Variants in NRG2 observed in about 807,000 individuals in gnomAD.
NRG2 encodes pro-neuregulin-2, membrane-bound isoform.
Under a neutral mutation model 73.9 loss-of-function variants are expected in NRG2, and 27 were observed. The observed-to-expected ratio is 0.37, with a 90% confidence interval of 0.27 to 0.50. The LOEUF is 0.50. Among genes scored for constraint, NRG2 ranks in the 20% least tolerant of loss-of-function variants. The pLI is 0.96. For synonymous variants in NRG2, 532 were observed against 541.0 expected, an observed-to-expected ratio of 0.98 and a Z score of 0.23; for missense variants, 1,126 against 1,210.1, an observed-to-expected ratio of 0.93 and a Z score of 1.03.
chr5:139,943,479 G>A (rs956098582), intron 1 of NRG2, among the ~76,000 whole-genome samples: 4 of 152,132 alleles, frequency 2.6e-5, no homozygotes, highest in African/African-American at 7.2e-5. Context: ...AAATTGTGCT[G>A]TAATGAGATC....
chr5:139,865,597 A>G lies in NRG2; in HGVS notation c.1141T>C (p.Cys381Arg). 1 of 1,610,164 alleles carries G rather than the reference A, an allele frequency of 6.2e-7. No homozygotes were observed. The highest frequency in any genetic ancestry group is 8.5e-7 in the Non-Finnish European group (1 of 1,179,094). The change falls in exon 5 of 10, where the codon TGT (cysteine) becomes CGT (arginine). Residue 381 changes from cysteine (C) to arginine (R), a missense_variant. Physicochemically the swap from Cys to Arg is radical, Grantham distance 180. Transcript: ENST00000361474. This position sits in a 1 kb window ranked among gnomAD's most constrained non-coding sequence, Gnocchi z 5.2. The part of the protein sequence containing the change: ...KCPNGFFGQR[C>R]LEKLPLRLYM... ...AATCGCAAAGGCAGTTTCTCCAAAC[A>G]TCTCTGTCCGAAGAATCCATTTGGA...
At chr5:140,011,200 T>C (rs190796764) in intron 1 of NRG2, among the ~76,000 whole-genome samples, 12 of 152,356 alleles carry the variant, frequency 7.9e-5, no homozygotes, top group Non-Finnish European at 1.8e-4. Context: ...TTTTGCCACT[T>C]TGGACACATA....
intron 1 of NRG2, among the ~76,000 whole-genome samples, chr5:139,986,252 T>C (rs1390558770): frequency 3.3e-5 from 5 of 152,208 alleles, no homozygotes; most frequent in East Asian, 3.8e-4. Context: ...TTAGGTCCAC[T>C]GCAAACACAG....
At chr5:139,893,531 T>C (rs1221865830) in intron 1 of NRG2, among the ~76,000 whole-genome samples, 1 of 152,200 alleles carries the variant, frequency 6.6e-6, no homozygotes, top group Admixed American at 6.5e-5. Context: ...CCCTGATCCC[T>C]GCAGCAGCTC....
intron 1 of NRG2, among the ~76,000 whole-genome samples, chr5:139,940,366 C>T (rs966931779): frequency 6.6e-6 from 1 of 152,300 alleles, no homozygotes; most frequent in East Asian, 1.9e-4. Flanking sequence ...TATGTGATTC[C>T]ATTTTATCTG....
intron 1 of NRG2, among the ~76,000 whole-genome samples, chr5:140,035,912 T>C (rs1761470383): frequency 6.6e-6 from 1 of 152,102 alleles, no homozygotes; most frequent in African/African-American, 2.4e-5. Flanking sequence ...GATCATCACA[T>C]CTTGGAGGTC....
At chr5:139,933,525 CAA>C (rs535804618) in intron 1 of NRG2, among the ~76,000 whole-genome samples, 57 of 152,150 alleles carry the variant, frequency 3.7e-4, no homozygotes, top group African/African-American at 1.2e-3. Flanking sequence ...ATAGAAGAGT[CAA>C]TTCATGAGAG....
intron 1 of NRG2, among the ~76,000 whole-genome samples, chr5:140,014,363 A>T (rs1180119788): frequency 6.6e-6 from 1 of 152,224 alleles, no homozygotes; most frequent in East Asian, 1.9e-4. Flanking sequence ...CAGTCTCTCA[A>T]GTAGCTATAA....
Position 139,979,498 on chromosome 5 carries a change from A to T in NRG2, c.700+62872T>A, listed in dbSNP as rs771875297. ...TCTCCTGGGATTCTCGTTCTTGTGTAATCTTCTCCCTTGAGTGTGGGTTGG... is the reference window on the plus strand; with the variant it reads ...TCTCCTGGGATTCTCGTTCTTGTGTTATCTTCTCCCTTGAGTGTGGGTTGG... On this transcript the variant is annotated intron_variant, in intron 1 of 9. Transcript: ENST00000361474. Among the ~76,000 whole-genome samples, 13 of 152,188 alleles carry T rather than the reference A, an allele frequency of 8.5e-5. 1 individual carries two copies. Among genetic ancestry groups the T allele is most frequent in the Non-Finnish European group, 1.3e-4 (9 of 68,038 alleles).
At chr5:139,962,233 C>T (rs1283247572) in intron 1 of NRG2, among the ~76,000 whole-genome samples, 2 of 152,200 alleles carry the variant, frequency 1.3e-5, no homozygotes, top group African/African-American at 4.8e-5. Context: ...GAGCAGATCA[C>T]ATGGCAGACA....
intron 1 of NRG2, among the ~76,000 whole-genome samples, chr5:139,917,760 G>T (rs1368779989): frequency 6.6e-6 from 1 of 152,056 alleles, no homozygotes; most frequent in Non-Finnish European, 1.5e-5. Flanking sequence ...TAATTGAATT[G>T]TAAGAGCTCT....
chr5:139,892,839 C>T (rs1391128008), intron 1 of NRG2, among the ~76,000 whole-genome samples: 1 of 152,174 alleles, frequency 6.6e-6, no homozygotes, highest in Non-Finnish European at 1.5e-5. Flanking sequence ...GGGTAGGCAG[C>T]AAGCTGATGG....
At chr5:140,041,444 C>T (rs1424388418) in intron 1 of NRG2, among the ~76,000 whole-genome samples, 1 of 152,160 alleles carries the variant, frequency 6.6e-6, no homozygotes, top group Non-Finnish European at 1.5e-5. Flanking sequence ...TGACTTTTGA[C>T]ATGGGAGACT....
chr5:140,006,578 G>A (rs943684024), intron 1 of NRG2, among the ~76,000 whole-genome samples: 1 of 152,094 alleles, frequency 6.6e-6, no homozygotes, highest in Non-Finnish European at 1.5e-5. Flanking sequence ...TAAATATGGA[G>A]CATTCATAAG....
chr5:140,007,389 C>T (rs1313610988), intron 1 of NRG2, among the ~76,000 whole-genome samples: 4 of 151,960 alleles, frequency 2.6e-5, no homozygotes, highest in Non-Finnish European at 2.9e-5. Context: ...CAGCCTTCAG[C>T]TTCCAATTGG....
At chr5:139,989,965 T>C (rs1021769855) in intron 1 of NRG2, among the ~76,000 whole-genome samples, 7 of 151,142 alleles carry the variant, frequency 4.6e-5, no homozygotes, top group Admixed American at 2.6e-4. Context: ...ATTTTTTGTA[T>C]TTTTAGTAGA....
At position 139,847,872 on chromosome 5, in the gene NRG2, T is replaced by C; in HGVS notation, c.*45A>G. 3 of 1,283,788 alleles carry C rather than the reference T, an allele frequency of 2.3e-6. No homozygotes were observed. Among genetic ancestry groups the C allele is most frequent in the Non-Finnish European group, 3.0e-6 (3 of 991,462 alleles). The allele number at this position is 1,283,788 out of a possible 1,614,324, so 79.5% of individuals were successfully genotyped here. A position where few individuals can be genotyped will look rare whatever the true frequency, so the allele number is the denominator to read the frequency against. Reference sequence around the variant, plus strand: ...TCCAGTAGGCGGTCTCTGGTCTCCTTAAAGATAGTGGGGCGGGCGGGGCGG... The same window carrying C: ...TCCAGTAGGCGGTCTCTGGTCTCCTCAAAGATAGTGGGGCGGGCGGGGCGG... On this transcript the variant is annotated 3_prime_UTR_variant, in exon 10 of 10. Coordinates refer to ENST00000361474, the MANE Select transcript of NRG2 (RefSeq NM_004883.3).
chr5:139,910,663 C>T (rs1027308746), intron 1 of NRG2, among the ~76,000 whole-genome samples: 8 of 152,174 alleles, frequency 5.3e-5, no homozygotes, highest in East Asian at 1.9e-4. Context: ...AGTGATTAGC[C>T]GCACCACCTT....
rs1761168710 is a variant in NRG2, at chr5:139,848,469, G to T, written c.2001C>A (p.Gly667=). Residue 667 remains glycine (G), a synonymous_variant, in exon 10 of 10, where the codon GGC becomes GGA. Coordinates refer to ENST00000361474, the MANE Select transcript of NRG2 (RefSeq NM_004883.3). The part of the protein sequence containing the change: ...GPGPGPGPGP[G]ADMQRSYDSY... ...TGTCATAGCTGCGCTGCATGTCTGC[G>T]CCGGGCCCGGGCCCGGGCCCGGGTC... is the stretch of plus-strand genomic sequence containing the variant. The T allele has an allele frequency of 2.2e-6, 3 of 1,336,778 alleles. No individual in the cohort carries two copies. Among genetic ancestry groups the T allele is most frequent in the Non-Finnish European group, 2.8e-6 (3 of 1,058,176 alleles). The allele number at this position is 1,336,778 out of a possible 1,614,324, so 82.8% of individuals were successfully genotyped here.
Sources: gnomAD v4.1 joint callset for allele counts (sites outside exome capture counted in the v4.1 genomes callset) on GRCh38, gnomAD v4.1.1 for gene constraint, Gnocchi (gnomAD v3.1) non-coding constraint, MANE v1.5 for transcripts, NCBI Gene and HGNC (gene_info 2026-07-23, HGNC 2026-07-21) for gene names.